Variants in EPHA3 observed in about 807,000 individuals in gnomAD.
EPHA3 encodes the protein EPH receptor A3.
A neutral mutation model predicts 107.1 loss-of-function variants in EPHA3; 42 were observed. The observed-to-expected ratio is 0.39, with a 90% confidence interval of 0.31 to 0.51. The LOEUF is 0.51. Ranked by LOEUF, EPHA3 falls within the 20% of genes least tolerant of loss-of-function variation. The pLI is 0.78. For missense variants in EPHA3, 1,183 were observed against 1,211.2 expected (o/e 0.98, Z 0.35); for synonymous variants, 461 against 424.8 (o/e 1.09, Z -1.05).
At chr3:89,426,504 C>T (rs1486792573) in intron 11 of EPHA3, among the ~76,000 whole-genome samples, 1 of 151,736 alleles carries the variant, frequency 6.6e-6, no homozygotes, top group African/African-American at 2.4e-5. Flanking sequence ...TTTACAAATA[C>T]CTGAATTCTA....
At chr3:89,235,322 C>A (rs909796844) in intron 3 of EPHA3, among the ~76,000 whole-genome samples, 1 of 151,978 alleles carries the variant, frequency 6.6e-6, no homozygotes, top group Non-Finnish European at 1.5e-5. Context: ...AATACTGTTT[C>A]GACATTCAAA....
chr3:89,320,295 A>C (rs562066460), intron 3 of EPHA3, among the ~76,000 whole-genome samples: 1 of 152,000 alleles, frequency 6.6e-6, no homozygotes, highest in Non-Finnish European at 1.5e-5. Context: ...GCAGCATTTC[A>C]GTGGCCTCCA....
intron 3 of EPHA3, among the ~76,000 whole-genome samples, chr3:89,271,870 C>T (rs1705677196): frequency 6.6e-6 from 1 of 151,850 alleles, no homozygotes; most frequent in South Asian, 2.1e-4. Context: ...CATAGATTTT[C>T]TTCCACCACT....
chr3:89,145,919 A>G (rs1704547230), intron 2 of EPHA3, among the ~76,000 whole-genome samples: 1 of 151,856 alleles, frequency 6.6e-6, no homozygotes, highest in Non-Finnish European at 1.5e-5. Flanking sequence ...AAAAAGAAAA[A>G]TTAACATCAA....
At chr3:89,161,501 T>A (rs1704941159) in intron 2 of EPHA3, among the ~76,000 whole-genome samples, 1 of 152,210 alleles carries the variant, frequency 6.6e-6, no homozygotes, top group Non-Finnish European at 1.5e-5. Flanking sequence ...ATCTTTCATA[T>A]AAAGAGCTTC....
intron 2 of EPHA3, among the ~76,000 whole-genome samples, chr3:89,144,583 CTTTCA>C (rs1475829326): frequency 6.6e-6 from 1 of 151,738 alleles, no homozygotes; most frequent in Non-Finnish European, 1.5e-5. Context: ...CATATGAACA[CTTTCA>C]TTTCTTTTCA....
At chr3:89,445,459 G>T (rs1709861093) in intron 13 of EPHA3, among the ~76,000 whole-genome samples, 1 of 152,054 alleles carries the variant, frequency 6.6e-6, no homozygotes, top group Non-Finnish European at 1.5e-5. Context: ...TGTGACCTGG[G>T]ACAGAATCTG....
chr3:89,408,859 C>T (rs757021182), intron 9 of EPHA3, among the ~76,000 whole-genome samples: 7 of 151,986 alleles, frequency 4.6e-5, no homozygotes, highest in Admixed American at 2.6e-4. Context: ...TGTACTCATG[C>T]TTATGTGCTC....
At chr3:89,154,400 A>ATT (rs141983131) in intron 2 of EPHA3, among the ~76,000 whole-genome samples, 2 of 151,350 alleles carry the variant, frequency 1.3e-5, no homozygotes, top group South Asian at 4.2e-4. Context: ...TTTCTCCATG[A>ATT]TTTTTTTTCA....
chr3:89,393,378 C>A (rs1289733081), intron 5 of EPHA3, among the ~76,000 whole-genome samples: 1 of 152,148 alleles, frequency 6.6e-6, no homozygotes, highest in Admixed American at 6.6e-5. Flanking sequence ...CCAAAACAGC[C>A]CACAAAGCTT....
In EPHA3 at chr3:89,294,421, C is replaced by T. The variant is rs575394995; in HGVS notation, c.815-46495C>T. 9.2e-5 allele frequency among the ~76,000 whole-genome samples: 14 copies of T among 152,236 alleles called. No homozygotes were observed. The East Asian group carries it at 2.3e-3, about 25-fold the overall frequency. ...TACTAAATTGAAGTAGCCCAATGCT[C>T]TTCACATTTTAAAATGCTTTTTCTC... On this transcript the variant is annotated intron_variant, in intron 3 of 16. Coordinates refer to ENST00000336596, the MANE Select transcript of EPHA3 (RefSeq NM_005233.6).
intron 11 of EPHA3, among the ~76,000 whole-genome samples, chr3:89,428,226 T>C (rs1709495734): frequency 6.6e-6 from 1 of 152,040 alleles, no homozygotes; most frequent in African/African-American, 2.4e-5. Flanking sequence ...GCATAGTGTG[T>C]ACAGGTTGCA....
chr3:89,245,722 C>T (rs1296992859), intron 3 of EPHA3, among the ~76,000 whole-genome samples: 1 of 152,164 alleles, frequency 6.6e-6, no homozygotes, highest in Admixed American at 6.6e-5. Context: ...CATGTGGATG[C>T]CTGTGTACAT....
At chr3:89,215,347 A>G (rs1435457700) in intron 3 of EPHA3, among the ~76,000 whole-genome samples, 1 of 151,918 alleles carries the variant, frequency 6.6e-6, no homozygotes, top group East Asian at 1.9e-4. Flanking sequence ...TTTTAATATG[A>G]AAAGTGAGAG....
intron 2 of EPHA3, among the ~76,000 whole-genome samples, chr3:89,150,408 A>T (rs560028830): frequency 6.6e-6 from 1 of 152,198 alleles, no homozygotes; most frequent in South Asian, 2.1e-4. Flanking sequence ...GTTGGATAAT[A>T]ATGTGCATTC....
intron 10 of EPHA3, 31 bp from the exon 11 acceptor site, chr3:89,419,174 T>C: frequency 6.5e-7 from 1 of 1,535,444 alleles, no homozygotes; most frequent in Non-Finnish European, 8.7e-7. Flanking sequence ...TAGAATTCCT[T>C]ACATTTTGTT....
At chr3:89,467,868 A>G (rs1455835889) in intron 15 of EPHA3, among the ~76,000 whole-genome samples, 1 of 152,208 alleles carries the variant, frequency 6.6e-6, no homozygotes, top group African/African-American at 2.4e-5. Flanking sequence ...GAAAAGCTGT[A>G]AAAGATCAGG....
Position 89,381,674 on chromosome 3 carries a change from GA to G in EPHA3, c.1307-14152del, listed in dbSNP as rs536178140. On this transcript the variant is annotated intron_variant, in intron 5 of 16. Transcript: ENST00000336596. ...ACGGAGTGAGACTTTGTCTCAAAAA[GA>G]AAAAAAAAAATTAGGACATGAGCCC... 4.0e-3 allele frequency among the ~76,000 whole-genome samples: 579 copies of G among 143,140 alleles called. 4 individuals carry two copies. The highest frequency in any genetic ancestry group is 0.014 in the African/African-American group (531 of 39,250). The allele number at this position is 143,140 out of a possible 152,430, so 93.9% of individuals were successfully genotyped here.
chr3:89,397,325 C>T (rs1708869470), intron 6 of EPHA3, among the ~76,000 whole-genome samples: 2 of 152,040 alleles, frequency 1.3e-5, no homozygotes, highest in Admixed American at 1.3e-4. Flanking sequence ...GGATTGTGAT[C>T]TATTTTCAGA....
Sources: gnomAD v4.1 joint callset for allele counts (sites outside exome capture counted in the v4.1 genomes callset) on GRCh38, gnomAD v4.1.1 for gene constraint, MANE v1.5 for transcripts, NCBI Gene and HGNC (gene_info 2026-07-23, HGNC 2026-07-21) for gene names.